Variants in PPIH observed in about 807,000 individuals in gnomAD.
PPIH encodes peptidyl-prolyl cis-trans isomerase H.
In PPIH, 16 loss-of-function variants were observed where a neutral mutation model predicts 27.6. The observed-to-expected ratio is 0.58, with a 90% CI of 0.39 to 0.88. The LOEUF (loss-of-function observed/expected upper bound fraction) is 0.88, where lower values mean the gene tolerates loss of function less well. PPIH is among the 40% of genes least tolerant of loss of function. The pLI is 0.00. For missense variants in PPIH, 155 were observed against 224.1 expected, an observed-to-expected ratio of 0.69 and a Z score of 1.97; for synonymous variants, 63 against 76.1, an observed-to-expected ratio of 0.83 and a Z score of 0.90.
At chr1:42,660,936 G>C in intron 5 of PPIH, 32 bp downstream of exon 5, 1 of 1,584,846 alleles carries the variant, frequency 6.3e-7, no homozygotes, top group South Asian at 1.1e-5. Context: ...TCAAAGACCC[G>C]TAGTTTTAGT....
At chr1:42,659,947 G>C (rs1164015513) in intron 4 of PPIH, among the ~76,000 whole-genome samples, 1 of 152,116 alleles carries the variant, frequency 6.6e-6, no homozygotes, top group African/African-American at 2.4e-5. Flanking sequence ...CTGGGGAGTG[G>C]AGTATGTCAA....
intron 4 of PPIH, 82 bp downstream of exon 4, chr1:42,659,648 G>A: frequency 2.0e-6 from 3 of 1,533,556 alleles, no homozygotes; most frequent in Non-Finnish European, 2.6e-6. Context: ...AATAAAACCA[G>A]AGGGTAATTC....
At chr1:42,676,933 T>C (rs1037307135), downstream of PPIH, among the ~76,000 whole-genome samples, 2 of 151,982 alleles carry the variant, frequency 1.3e-5, no homozygotes, top group African/African-American at 4.8e-5. Context: ...TTGCAGGCAG[T>C]TGTAGCAAAC....
chr1:42,660,049 T>G (rs1398112753), intron 4 of PPIH, among the ~76,000 whole-genome samples: 1 of 152,222 alleles, frequency 6.6e-6, no homozygotes, highest in Non-Finnish European at 1.5e-5. Flanking sequence ...GCTTTAGAGC[T>G]TTGGGTCTCT....
intron 5 of PPIH, among the ~76,000 whole-genome samples, chr1:42,662,175 C>T (rs1471244382): frequency 6.6e-6 from 1 of 152,048 alleles, no homozygotes; most frequent in Non-Finnish European, 1.5e-5. Context: ...TAGCTTTTTA[C>T]TAGTCTTTGC....
chr1:42,679,241 G>A (rs1649966509), downstream of PPIH, among the ~76,000 whole-genome samples: 1 of 152,234 alleles, frequency 6.6e-6, no homozygotes, highest in Admixed American at 6.5e-5. Flanking sequence ...CCAGGCTGGA[G>A]TGCAGTGGCA....
chr1:42,663,929 T>A (rs1649190177), intron 5 of PPIH, among the ~76,000 whole-genome samples: 1 of 152,180 alleles, frequency 6.6e-6, no homozygotes, highest in South Asian at 2.1e-4. Context: ...CAATATTGCC[T>A]TTAAAACTCA....
intron 5 of PPIH, among the ~76,000 whole-genome samples, chr1:42,662,361 G>A (rs984411046): frequency 6.6e-6 from 1 of 152,096 alleles, no homozygotes; most frequent in African/African-American, 2.4e-5. Context: ...AACATAGTAA[G>A]ACCCTGTCTC....
chr1:42,678,159 T>C (rs138795118), downstream of PPIH, among the ~76,000 whole-genome samples: 2 of 152,090 alleles, frequency 1.3e-5, no homozygotes, highest in Non-Finnish European at 2.9e-5. Context: ...AGTAACTATA[T>C]AGGGTGGGAT....
At chr1:42,671,911 T>G (rs1570400931) in intron 9 of PPIH, among the ~76,000 whole-genome samples, 1 of 147,236 alleles carries the variant, frequency 6.8e-6, no homozygotes, top group Admixed American at 6.9e-5. Flanking sequence ...CGAGACGGAG[T>G]CTTGCTCTGT....
chr1:42,663,086 G>A (rs375574103), intron 5 of PPIH, among the ~76,000 whole-genome samples: 2 of 152,258 alleles, frequency 1.3e-5, no homozygotes, highest in East Asian at 1.9e-4. Flanking sequence ...TATAGATAAC[G>A]TGATTACGGA....
chr1:42,666,973 TCA>T (rs770098509), intron 8 of PPIH, among the ~76,000 whole-genome samples: 4 of 152,120 alleles, frequency 2.6e-5, no homozygotes, highest in Non-Finnish European at 4.4e-5. Flanking sequence ...GAGCCTTTGC[TCA>T]CACAGTTTCC....
intron 4 of PPIH, 80 bp downstream of exon 4, chr1:42,659,646 C>T: frequency 2.6e-6 from 4 of 1,534,810 alleles, no homozygotes; most frequent in South Asian, 2.5e-5. Context: ...AAAATAAAAC[C>T]AGAGGGTAAT....
At chr1:42,672,686 G>C (rs1231422184) in intron 9 of PPIH, among the ~76,000 whole-genome samples, 1 of 151,476 alleles carries the variant, frequency 6.6e-6, no homozygotes, top group Non-Finnish European at 1.5e-5. Context: ...TCACTCCGTT[G>C]CCCAGGCTGG....
chr1:42,664,944 C>T lies in PPIH; in HGVS notation c.325C>T (p.Leu109=), dbSNP rs762310148. 6.2e-7 allele frequency: 1 copy of T among 1,613,872 alleles called. No individual in the cohort carries two copies. The highest frequency in any genetic ancestry group is 8.5e-7 in the Non-Finnish European group (1 of 1,179,860). The change falls in exon 6 of 10, where the codon CTG becomes TTG. Residue 109 remains leucine (L), a synonymous_variant. Coordinates refer to ENST00000304979, the MANE Select transcript of PPIH (RefSeq NM_006347.4). The part of the protein sequence containing the change: ...NFKLRHSAPG[L]LSMANSGPST... ...TAAACTTAGACACTCAGCTCCAGGC[C>T]TGCTTTCCATGGTAAGTGAGGTCCA...
chr1:42,662,034 T>C (rs1313202600), intron 5 of PPIH, among the ~76,000 whole-genome samples: 1 of 152,204 alleles, frequency 6.6e-6, no homozygotes, highest in Non-Finnish European at 1.5e-5. Context: ...CTGTGGGCAT[T>C]TGTTTGCAGC....
downstream of PPIH, among the ~76,000 whole-genome samples, chr1:42,680,653 G>C (rs929036913): frequency 7.2e-5 from 11 of 152,164 alleles, no homozygotes; most frequent in South Asian, 1.2e-3. Flanking sequence ...AGAGAGGTGT[G>C]GTTAGTAGCC....
intron 4 of PPIH, 36 bp downstream of exon 4, chr1:42,659,602 G>A (rs1312195104): frequency 6.3e-7 from 1 of 1,595,556 alleles, no homozygotes; most frequent in South Asian, 1.1e-5. Context: ...GAGTCTTTCA[G>A]AAATATTTCC....
At chr1:42,670,882 A>G (rs1028392594) in intron 9 of PPIH, among the ~76,000 whole-genome samples, 4 of 151,596 alleles carry the variant, frequency 2.6e-5, no homozygotes, top group African/African-American at 9.7e-5. Context: ...TGCAACCTCT[A>G]CCTCCCGGGT....
Sources: allele counts gnomAD v4.1 joint callset (sites outside exome capture counted in the v4.1 genomes callset), GRCh38; gene constraint gnomAD v4.1.1; transcripts MANE v1.5; gene names NCBI Gene and HGNC (gene_info 2026-07-23, HGNC 2026-07-21).